Variants in RBMS3 observed in about 807,000 individuals in gnomAD.
RBMS3 encodes RNA binding motif single stranded interacting protein 3.
In RBMS3, 27 loss-of-function variants were observed where a neutral mutation model predicts 66.8. The observed-to-expected ratio is 0.40, with a 90% CI of 0.30 to 0.56. RBMS3 has a LOEUF of 0.56. RBMS3 is among the 20% of genes least tolerant of loss of function. The pLI is 0.40. For synonymous variants in RBMS3, 188 were observed against 183.0 expected (o/e 1.03, Z -0.22); for missense variants, 513 against 549.5 (o/e 0.93, Z 0.66).
chr3:29,461,612 T>C (rs1350140101), intron 2 of RBMS3, among the ~76,000 whole-genome samples: 1 of 152,106 alleles, frequency 6.6e-6, no homozygotes, highest in Non-Finnish European at 1.5e-5. Context: ...TAGGAAGTGG[T>C]TTTTCGTTTG....
At chr3:29,684,062 A>G (rs912632449) in intron 4 of RBMS3, among the ~76,000 whole-genome samples, 1 of 152,210 alleles carries the variant, frequency 6.6e-6, no homozygotes, top group African/African-American at 2.4e-5. Context: ...AAACCAATTA[A>G]TTATTCACAC....
Position 29,410,465 on chromosome 3 carries a change from C to T in RBMS3, c.76-24278C>T, listed in dbSNP as rs182267167. On this transcript the variant is annotated intron_variant, in intron 1 of 14. Coordinates refer to ENST00000383767, the MANE Select transcript of RBMS3 (RefSeq NM_001003793.3). ...GTCTAGGCAAGGAAGCCCATCTGTT[C>T]GTTCCGTGACACTTTCCCTCCTAGA... 7.7e-4 allele frequency among the ~76,000 whole-genome samples: 117 copies of T among 152,280 alleles called. 1 individual carries two copies. Among genetic ancestry groups the T allele is most frequent in the African/African-American group, 2.6e-3 (110 of 41,564 alleles).
At chr3:29,584,831 G>T (rs2047455926) in intron 3 of RBMS3, among the ~76,000 whole-genome samples, 1 of 151,946 alleles carries the variant, frequency 6.6e-6, no homozygotes, top group African/African-American at 2.4e-5. Context: ...TGTTGCAATA[G>T]CCCCTAAGTC....
intron 3 of RBMS3, among the ~76,000 whole-genome samples, chr3:29,574,659 CT>C (rs1439193625): frequency 1.3e-5 from 2 of 151,814 alleles, no homozygotes; most frequent in Non-Finnish European, 2.9e-5. Flanking sequence ...TTCAGTCTTC[CT>C]TTTAGTGAAT....
chr3:29,419,628 A>T (rs1033177080), intron 1 of RBMS3, among the ~76,000 whole-genome samples: 1 of 152,232 alleles, frequency 6.6e-6, no homozygotes, highest in African/African-American at 2.4e-5. Flanking sequence ...GTAATATAGT[A>T]CATAGTAACA....
chr3:29,418,149 C>A (rs2040556719), intron 1 of RBMS3, among the ~76,000 whole-genome samples: 1 of 152,092 alleles, frequency 6.6e-6, no homozygotes, highest in East Asian at 1.9e-4. Context: ...CACTTTCTTC[C>A]CATTCATAAA....
chr3:29,642,744 A>G (rs1576423315), intron 4 of RBMS3: 1 of 152,122 alleles, frequency 6.6e-6, no homozygotes, highest in African/African-American at 2.4e-5. Context: ...GGAAAAGCGC[A>G]TGTGTTCTTG....
chr3:29,923,586 G>A (rs1175716643), intron 10 of RBMS3, among the ~76,000 whole-genome samples: 2 of 151,720 alleles, frequency 1.3e-5, no homozygotes, highest in African/African-American at 2.4e-5. Flanking sequence ...TGTAATCTAT[G>A]AGAAAAGAAA....
In RBMS3 at chr3:29,880,739, A is replaced by C. The variant is rs2059717406; in HGVS notation, c.745-3423A>C. The C allele has an allele frequency of 2.0e-6, 3 of 1,521,882 alleles. No homozygotes were observed. In the African/African-American group the frequency reaches 4.1e-5, roughly 21 times the overall value. The allele number at this position is 1,521,882 out of a possible 1,614,324, so 94.3% of individuals were successfully genotyped here. A position where few individuals can be genotyped will look rare whatever the true frequency, so the allele number is the denominator to read the frequency against. Reference sequence around the variant, plus strand: ...GTTACCCACAATGTTCCAAATGCATATGACCTGACACTATCTCTTGTTGTC... The same window carrying C: ...GTTACCCACAATGTTCCAAATGCATCTGACCTGACACTATCTCTTGTTGTC... On this transcript the variant is annotated intron_variant, in intron 7 of 14. Transcript: ENST00000383767.
At chr3:29,601,557 C>A (rs535598773) in intron 4 of RBMS3, among the ~76,000 whole-genome samples, 1 of 151,832 alleles carries the variant, frequency 6.6e-6, no homozygotes, top group African/African-American at 2.4e-5. Context: ...GAACACTATG[C>A]ATTCTAAAAA....
At chr3:29,466,781 G>A (rs576044577) in intron 2 of RBMS3, among the ~76,000 whole-genome samples, 1 of 152,216 alleles carries the variant, frequency 6.6e-6, no homozygotes, top group African/African-American at 2.4e-5. Flanking sequence ...GACATAGTTG[G>A]CCTTATGTTT....
chr3:29,318,518 C>T (rs1024120498), intron 1 of RBMS3, among the ~76,000 whole-genome samples: 7 of 151,872 alleles, frequency 4.6e-5, no homozygotes, highest in Admixed American at 2.6e-4. Context: ...TGTTTTAACT[C>T]ATCAAACACA....
intron 6 of RBMS3, among the ~76,000 whole-genome samples, chr3:29,843,751 C>G (rs1369185923): frequency 6.6e-6 from 1 of 152,014 alleles, no homozygotes; most frequent in Non-Finnish European, 1.5e-5. Flanking sequence ...GCCCAGGGGA[C>G]CAGCCTGGGC....
chr3:29,746,916 T>C (rs1408067258), intron 5 of RBMS3, among the ~76,000 whole-genome samples: 2 of 152,172 alleles, frequency 1.3e-5, no homozygotes, highest in Non-Finnish European at 2.9e-5. Context: ...CGGAGAGAGT[T>C]CTGAAAAATT....
chr3:29,632,384 A>G (rs371986761), intron 4 of RBMS3, among the ~76,000 whole-genome samples: 11 of 152,060 alleles, frequency 7.2e-5, no homozygotes, highest in African/African-American at 2.6e-4. Context: ...GAAAGGACTT[A>G]GTGTGTGCAA....
In RBMS3 at chr3:29,281,405, C is replaced by G; in HGVS notation, c.-277C>G. ...CCTCATCCCAAGTGGACCCCGGCAG[C>G]TGGGGGAAGCCAGGCAAGATCTGGG... On this transcript the variant is annotated 5_prime_UTR_variant, in exon 1 of 15. Transcript: ENST00000383767. 1 of 483,912 alleles carries G rather than the reference C, an allele frequency of 2.1e-6. No individual in the cohort carries two copies. Among genetic ancestry groups the G allele is most frequent in the Non-Finnish European group, 3.6e-6 (1 of 275,700 alleles). 30.0% of individuals were successfully genotyped at this position (483,912 alleles called of 1,614,324 possible).
At chr3:29,735,523 G>A (rs2054339429) in intron 4 of RBMS3, among the ~76,000 whole-genome samples, 1 of 152,134 alleles carries the variant, frequency 6.6e-6, no homozygotes, top group Non-Finnish European at 1.5e-5. Flanking sequence ...TGTATGAATT[G>A]TAGTCATATA....
At chr3:29,525,689 A>G (rs968404516) in intron 3 of RBMS3, among the ~76,000 whole-genome samples, 2 of 152,144 alleles carry the variant, frequency 1.3e-5, no homozygotes, top group African/African-American at 4.8e-5. Context: ...TGTCTCATTG[A>G]GTTCTTCAAT....
chr3:29,793,692 T>A, intron 6 of RBMS3, among the ~76,000 whole-genome samples: 1 of 152,192 alleles, frequency 6.6e-6, no homozygotes, highest in East Asian at 1.9e-4. Context: ...CATGTGCACA[T>A]TGCATTCTAT....
Sources: allele counts gnomAD v4.1 joint callset (sites outside exome capture counted in the v4.1 genomes callset), GRCh38; gene constraint gnomAD v4.1.1; transcripts MANE v1.5; gene names NCBI Gene and HGNC (gene_info 2026-07-23, HGNC 2026-07-21).